GRK2: variants seen among roughly 807,000 people sequenced by gnomAD.
GRK2 encodes the protein adrenergic beta receptor kinase 1.
A neutral mutation model predicts 97.8 loss-of-function variants in GRK2; 23 were observed. The observed-to-expected ratio is 0.24, with a 90% confidence interval of 0.17 to 0.33. The LOEUF (loss-of-function observed/expected upper bound fraction) is 0.33, where lower values mean the gene tolerates loss of function less well. Among genes scored for constraint, GRK2 ranks in the 10% least tolerant of loss-of-function variants. The pLI, the probability that GRK2 is intolerant of heterozygous loss-of-function variation, is 1.00. For synonymous variants in GRK2, 425 were observed against 381.7 expected (o/e 1.11, Z -1.32); for missense variants, 633 against 956.9 (o/e 0.66, Z 4.47).
rs1457664224 is a variant in GRK2 at position 67,275,661 on chromosome 11, T to A, written c.114-1611T>A. Among the ~76,000 whole-genome samples, 3 of 152,328 alleles carry A rather than the reference T, an allele frequency of 2.0e-5. No individual in the cohort carries two copies. The East Asian group carries it at 5.8e-4, about 29-fold the overall frequency. On this transcript the variant is annotated intron_variant, in intron 1 of 20. Transcript: ENST00000308595. ...GCCCTCCGCCTCACCATGGCCTTTG[T>A]GTGCCCTCTCTCCTGCCCCATTGGC...
At chr11:67,274,849 G>A (rs1032828498) in intron 1 of GRK2, among the ~76,000 whole-genome samples, 3 of 152,200 alleles carry the variant, frequency 2.0e-5, no homozygotes, top group Non-Finnish European at 2.9e-5. Context: ...CGTGTGGCCC[G>A]AAGGGGCGGG....
chr11:67,270,441 C>T (rs1015123457), intron 1 of GRK2, among the ~76,000 whole-genome samples: 1 of 152,002 alleles, frequency 6.6e-6, no homozygotes, highest in African/African-American at 2.4e-5. Context: ...TTCCCTGTCT[C>T]CCCAGACCCT....
chr11:67,269,372 C>T lies in GRK2; in HGVS notation c.113+2560C>T, dbSNP rs886472254. 2.6e-5 allele frequency among the ~76,000 whole-genome samples: 4 copies of T among 152,178 alleles called. No individual in the cohort carries two copies. The highest frequency in any genetic ancestry group is 6.5e-5 in the Admixed American group (1 of 15,282). On this transcript the variant is annotated intron_variant, in intron 1 of 20. Coordinates refer to ENST00000308595, the MANE Select transcript of GRK2 (RefSeq NM_001619.5). This position sits in a 1 kb window ranked among gnomAD's most constrained non-coding sequence, Gnocchi z 4.1. ...TCAGGGAGGGGAGGAGTCGTGTCCT[C>T]GTCACAGAAGAAAGCTGGAATGGGG...
At chr11:67,280,510 A>G (rs1004204079) in intron 6 of GRK2, 2 of 597,660 alleles carry the variant, frequency 3.3e-6, no homozygotes, top group Non-Finnish European at 6.0e-6. Flanking sequence ...AGCCACGGCC[A>G]GGTGGCCGAG....
rs1301265168 is a variant in GRK2 at position 67,266,654 on chromosome 11, G to GACA, written c.-46_-45insACA. 1.7e-6 allele frequency: 1 copy of GACA among 592,610 alleles called. No homozygotes were observed. Among genetic ancestry groups the GACA allele is most frequent in the African/African-American group, 2.0e-5 (1 of 48,826 alleles). 36.7% of individuals were successfully genotyped at this position (592,610 alleles called of 1,614,324 possible). Reference sequence around the variant, plus strand: ...GGCCGAGCGCCGAGCGAGCAGGAGCGGCGGCGGCGGCGGCGGCGGCGGGAG... The same window carrying GACA: ...GGCCGAGCGCCGAGCGAGCAGGAGCGACAGCGGCGGCGGCGGCGGCGGCGGGAG... On this transcript the variant is annotated 5_prime_UTR_variant, in exon 1 of 21. Coordinates refer to ENST00000308595, the MANE Select transcript of GRK2 (RefSeq NM_001619.5).
At chr11:67,277,179 G>A (rs993438497) in intron 1 of GRK2, 93 bp from the exon 2 acceptor site, 15 of 1,236,588 alleles carry the variant, frequency 1.2e-5, no homozygotes, top group African/African-American at 3.0e-5. Context: ...AGGGAGTGGC[G>A]ACACCACCAC....
Position 67,279,847 on chromosome 11 carries a change from C to T in GRK2, c.450C>T (p.Ile150=), listed in dbSNP as rs1232246165. 10 of 1,613,976 alleles carry T rather than the reference C, an allele frequency of 6.2e-6. No homozygotes were observed. The highest frequency in any genetic ancestry group is 1.1e-5 in the South Asian group (1 of 91,074). Residue 150 remains isoleucine, a synonymous_variant, in exon 6 of 21, where the codon ATC becomes ATT. Transcript: ENST00000308595. ...CCAGCTTCCTCCCTTAGCCATACAT[C>T]GAAGAGATTTGTCAAAACCTCCGAG... ...QVPPDLFQPY[I]EEICQNLRGD... is the part of the protein sequence containing the mutation.
At chr11:67,275,681 A>G (rs543355185) in intron 1 of GRK2, among the ~76,000 whole-genome samples, 2 of 151,974 alleles carry the variant, frequency 1.3e-5, no homozygotes, top group East Asian at 3.9e-4. Flanking sequence ...CTCCTGCCCC[A>G]TTGGCCCCTT....
intron 1 of GRK2, among the ~76,000 whole-genome samples, chr11:67,270,518 G>T (rs1227246186): frequency 6.6e-6 from 1 of 152,042 alleles, no homozygotes; most frequent in South Asian, 2.1e-4. Flanking sequence ...CCCTCGATTT[G>T]TGGGGGAAGG....
intron 2 of GRK2, among the ~76,000 whole-genome samples, chr11:67,278,473 C>T (rs533776825): frequency 6.6e-6 from 1 of 152,308 alleles, no homozygotes; most frequent in East Asian, 1.9e-4. Flanking sequence ...GGCTTACACC[C>T]GTTCCATGCC....
In GRK2 at chr11:67,266,629, G is replaced by GGCCGAGC. The variant is rs1297064923; in HGVS notation, c.-62_-56dup. On this transcript the variant is annotated 5_prime_UTR_variant, in exon 1 of 21. Transcript: ENST00000308595. ...GGCCGAGCGAGCCGCGGCCGGGCCGGGCCGAGCGCCGAGCGAGCAGGAGCG... is the reference window on the plus strand; with the variant it reads ...GGCCGAGCGAGCCGCGGCCGGGCCGGGCCGAGCGCCGAGCGCCGAGCGAGCAGGAGCG... The GGCCGAGC allele has an allele frequency of 3.0e-6, 2 of 674,216 alleles. No individual in the cohort carries two copies. The highest frequency in any genetic ancestry group is 3.7e-6 in the Non-Finnish European group (2 of 544,282). The allele number at this position is 674,216 out of a possible 1,614,324, so 41.8% of individuals were successfully genotyped here. A position where few individuals can be genotyped will look rare whatever the true frequency, so the allele number is the denominator to read the frequency against.
At chr11:67,268,331 C>G (rs943038055) in intron 1 of GRK2, among the ~76,000 whole-genome samples, 1 of 152,160 alleles carries the variant, frequency 6.6e-6, no homozygotes, top group African/African-American at 2.4e-5. Context: ...GAAAATTGGT[C>G]TGCATTTTGA....
intron 6 of GRK2, chr11:67,280,373 G>T (rs1453273303): frequency 3.1e-5 from 13 of 414,978 alleles, no homozygotes; most frequent in African/African-American, 6.1e-5. Flanking sequence ...CCCAGCCATG[G>T]AGTGAGCTCT....
intron 1 of GRK2, among the ~76,000 whole-genome samples, chr11:67,275,417 G>A (rs990209818): frequency 6.6e-6 from 1 of 152,168 alleles, no homozygotes; most frequent in African/African-American, 2.4e-5. Flanking sequence ...AAGCCCTCAC[G>A]GGGCTGGCCT....
chr11:67,274,009 C>CTTTTTT (rs1186824487), intron 1 of GRK2, among the ~76,000 whole-genome samples: 2 of 126,762 alleles, frequency 1.6e-5, no homozygotes, highest in Admixed American at 8.7e-5. Context: ...AAACTGGCAC[C>CTTTTTT]TTTTTTTTTT....
chr11:67,277,158 C>G (rs1860048340), intron 1 of GRK2, 114 bp from the exon 2 acceptor site: 3 of 980,624 alleles, frequency 3.1e-6, no homozygotes, highest in Middle Eastern at 3.0e-4. Flanking sequence ...ACGGGCTGGC[C>G]TCCTTCCTGG....
rs750883756 is a variant in GRK2, at chr11:67,285,454, G to A, written c.*4G>A. ...CGGCAGTGCCAACGGCCTCTGACCC[G>A]CCCACCCGCCTTTTATAAACCTCTA... On this transcript the variant is annotated 3_prime_UTR_variant, in exon 21 of 21. Coordinates refer to ENST00000308595, the MANE Select transcript of GRK2 (RefSeq NM_001619.5). The A allele has an allele frequency of 6.5e-6, 10 of 1,532,670 alleles. No individual in the cohort carries two copies. Among genetic ancestry groups the A allele is most frequent in the Admixed American group, 2.2e-5 (1 of 45,202 alleles). The allele number at this position is 1,532,670 out of a possible 1,614,324, so 94.9% of individuals were successfully genotyped here. A position where few individuals can be genotyped will look rare whatever the true frequency, so the allele number is the denominator to read the frequency against.
chr11:67,285,868 T>G lies in GRK2; in HGVS notation c.*418T>G. 1 of 223,180 alleles carries G rather than the reference T, an allele frequency of 4.5e-6. No homozygotes were observed. Among genetic ancestry groups the G allele is most frequent in the Non-Finnish European group, 8.9e-6 (1 of 112,430 alleles). 13.8% of individuals were successfully genotyped at this position (223,180 alleles called of 1,614,324 possible). A position where few individuals can be genotyped will look rare whatever the true frequency, so the allele number is the denominator to read the frequency against. ...TGAATTTTCCCACTGCACCCCCTCC[T>G]GCTGCAGAGGGGCAGGCCCTGCACT... On this transcript the variant is annotated 3_prime_UTR_variant, in exon 21 of 21. Transcript: ENST00000308595.
In GRK2 at chr11:67,272,336, C is replaced by T. The variant is rs1165369142; in HGVS notation, c.114-4936C>T. Among the ~76,000 whole-genome samples, 6 of 152,248 alleles carry T rather than the reference C, an allele frequency of 3.9e-5. No homozygotes were observed. The East Asian group carries it at 5.8e-4, about 15-fold the overall frequency. ...GAGCCTTTGGACATTTTCTTTGCCA[C>T]GAACTCATTGTGGGCCTCGGAGCAC... On this transcript the variant is annotated intron_variant, in intron 1 of 20. Coordinates refer to ENST00000308595, the MANE Select transcript of GRK2 (RefSeq NM_001619.5).
Sources: gnomAD v4.1 joint callset for allele counts (sites outside exome capture counted in the v4.1 genomes callset) on GRCh38, gnomAD v4.1.1 for gene constraint, Gnocchi (gnomAD v3.1) non-coding constraint, MANE v1.5 for transcripts, NCBI Gene and HGNC (gene_info 2026-07-23, HGNC 2026-07-21) for gene names.